Variants in ZFP62 observed in about 807,000 individuals in gnomAD.
ZFP62 encodes the protein ZFP62 zinc finger protein.
Under a neutral mutation model 56.4 loss-of-function variants are expected in ZFP62, and 44 were observed. That is an observed-to-expected ratio of 0.78 (90% CI 0.61 to 1.00). The LOEUF is 1.00. Ranked by LOEUF, ZFP62 falls within the 50% of genes least tolerant of loss-of-function variation. The probability of loss-of-function intolerance (pLI) is 0.00; values close to 1 mark genes in which losing one functional copy is unlikely to be tolerated. For missense variants in ZFP62, 1,030 were observed against 1,085.7 expected (o/e 0.95, Z 0.72); for synonymous variants, 421 against 388.9 (o/e 1.08, Z -0.97).
intron 1 of ZFP62, among the ~76,000 whole-genome samples, chr5:180,854,820 T>C (rs939718741): frequency 6.6e-6 from 1 of 152,170 alleles, no homozygotes; most frequent in Non-Finnish European, 1.5e-5. Context: ...ATCATTTTCA[T>C]AAAAGACAAA....
intron 1 of ZFP62, chr5:180,852,046 G>C: frequency 1.0e-6 from 1 of 984,822 alleles, no homozygotes; most frequent in Non-Finnish European, 1.2e-6. Flanking sequence ...CTGCAGAGAT[G>C]AGGAAGAAGG....
the ZFP62 span, among the ~76,000 whole-genome samples, chr5:180,838,588 A>C: frequency 6.6e-6 from 1 of 152,248 alleles, no homozygotes; most frequent in Non-Finnish European, 1.5e-5. Flanking sequence ...TTCTTGTAGG[A>C]AATACACACT....
At chr5:180,830,758 G>A in the ZFP62 span, 1 of 152,386 alleles carries the variant, frequency 6.6e-6, no homozygotes, top group South Asian at 2.1e-4. Context: ...AGTAACAGCA[G>A]GTCTCCTTCA....
At chr5:180,839,787 G>A in the ZFP62 span, among the ~76,000 whole-genome samples, 2 of 152,120 alleles carry the variant, frequency 1.3e-5, no homozygotes, top group African/African-American at 2.4e-5. Flanking sequence ...AAATAAAATG[G>A]TTGTGTCCTG....
Position 180,848,631 on chromosome 5 carries a change from T to C in ZFP62, c.*161A>G, listed in dbSNP as rs1156902952. On this transcript the variant is annotated 3_prime_UTR_variant, in exon 2 of 2. Transcript: ENST00000502412. ...AACTACCTTGACACTGGAGCCTTTCTTGCTTGCTATGATTGAAAATCACAT... is the reference window on the plus strand; with the variant it reads ...AACTACCTTGACACTGGAGCCTTTCCTGCTTGCTATGATTGAAAATCACAT... 5 of 1,369,810 alleles carry C rather than the reference T, an allele frequency of 3.7e-6. No homozygotes were observed. The highest frequency in any genetic ancestry group is 3.8e-6 in the Non-Finnish European group (4 of 1,063,932). The allele number at this position is 1,369,810 out of a possible 1,614,324, so 84.9% of individuals were successfully genotyped here. A position where few individuals can be genotyped will look rare whatever the true frequency, so the allele number is the denominator to read the frequency against.
At chr5:180,833,480 A>G in the ZFP62 span, among the ~76,000 whole-genome samples, 7 of 124,120 alleles carry the variant, frequency 5.6e-5, no homozygotes, top group African/African-American at 2.4e-4. Flanking sequence ...CTCTGTCTCA[A>G]AAAAAAAAAA....
In ZFP62 at chr5:180,848,475, T is replaced by C. The variant is rs1454792289; in HGVS notation, c.*317A>G. ...CTGATGGTGATTACGTAACTTCTAA[T>C]TGAAGCCCTTTCCTCATCTGTGTTT... On this transcript the variant is annotated 3_prime_UTR_variant, in exon 2 of 2. Coordinates refer to ENST00000502412, the MANE Select transcript of ZFP62 (RefSeq NM_001172638.2). The C allele has an allele frequency of 1.9e-6, 2 of 1,062,302 alleles. No individual in the cohort carries two copies. Among genetic ancestry groups the C allele is most frequent in the East Asian group, 6.7e-5 (1 of 14,930 alleles). 65.8% of individuals were successfully genotyped at this position (1,062,302 alleles called of 1,614,324 possible).
chr5:180,840,788 T>TG, the ZFP62 span, among the ~76,000 whole-genome samples: 4 of 54,748 alleles, frequency 7.3e-5, no homozygotes, highest in African/African-American at 2.6e-4. Flanking sequence ...GCTAAAACAA[T>TG]TTGTGTGTGT....
the ZFP62 span, among the ~76,000 whole-genome samples, chr5:180,833,279 G>C: frequency 6.6e-6 from 1 of 152,046 alleles, no homozygotes; most frequent in South Asian, 2.1e-4. Context: ...AAGAGATCGA[G>C]ACCATCCTGG....
chr5:180,848,766 C>T lies in ZFP62; in HGVS notation c.*26G>A, dbSNP rs773004018. 1.8e-5 allele frequency: 26 copies of T among 1,479,518 alleles called. No homozygotes were observed. Among genetic ancestry groups the T allele is most frequent in the African/African-American group, 1.4e-4 (10 of 70,326 alleles). 91.6% of individuals were successfully genotyped at this position (1,479,518 alleles called of 1,614,324 possible). A position where few individuals can be genotyped will look rare whatever the true frequency, so the allele number is the denominator to read the frequency against. On this transcript the variant is annotated 3_prime_UTR_variant, in exon 2 of 2. Transcript: ENST00000502412. ...ATAAGGTATTTCTTCCATTTGAGTT[C>T]GGAGAGACTTGGTAAGCTCTGCCTG...
chr5:180,850,635 CCA>C lies in ZFP62; in HGVS notation c.858_859del (p.Cys286TrpfsTer6). 1 of 1,576,838 alleles carries C rather than the reference CCA, an allele frequency of 6.3e-7. No individual in the cohort carries two copies. Among genetic ancestry groups the C allele is most frequent in the Non-Finnish European group, 8.6e-7 (1 of 1,161,052 alleles). ...GCCAGAGCTGTTACTGAAGGTTTTC[CCA>C]CAGATGTCGCATTCATAGGGCTTCT... is the stretch of plus-strand genomic sequence containing the variant. On this transcript the variant is annotated frameshift_variant, in exon 2 of 2. Coordinates refer to ENST00000502412, the MANE Select transcript of ZFP62 (RefSeq NM_001172638.2). LOFTEE classifies it high-confidence loss of function.
At position 180,848,433 on chromosome 5, in the gene ZFP62, T is replaced by C; in HGVS notation, c.*359A>G. On this transcript the variant is annotated 3_prime_UTR_variant, in exon 2 of 2. Transcript: ENST00000502412. ...TTCCTACATTTCTAGTAACAGAATTTACCAAACATGAACTTTCTGATGGTG... is the reference window on the plus strand; with the variant it reads ...TTCCTACATTTCTAGTAACAGAATTCACCAAACATGAACTTTCTGATGGTG... 2.0e-6 allele frequency: 2 copies of C among 1,011,718 alleles called. No homozygotes were observed. Among genetic ancestry groups the C allele is most frequent in the Non-Finnish European group, 2.4e-6 (2 of 847,288 alleles). 62.7% of individuals were successfully genotyped at this position (1,011,718 alleles called of 1,614,324 possible). A position where few individuals can be genotyped will look rare whatever the true frequency, so the allele number is the denominator to read the frequency against.
chr5:180,828,956 G>A, the ZFP62 span, among the ~76,000 whole-genome samples: 17 of 152,270 alleles, frequency 1.1e-4, no homozygotes, highest in East Asian at 1.5e-3. Flanking sequence ...TGTCCTATGC[G>A]GTAGCGATAA....
At position 180,851,169 on chromosome 5, in the gene ZFP62, C is replaced by T. The variant is rs1262602131; in HGVS notation, c.326G>A (p.Gly109Glu). Residue 109 changes from glycine to glutamate, a missense_variant, in exon 2 of 2, where the codon GGA (glycine) becomes GAA (glutamate). Gly to Glu is a moderately conservative substitution (Grantham distance 98, BLOSUM62 -2). Coordinates refer to ENST00000502412, the MANE Select transcript of ZFP62 (RefSeq NM_001172638.2). ...TTTGCCTTGCTCACTGCCTCTCTGTCCTATAGGCATAGTCTGGTGTGTGAT... is the reference window on the plus strand; with the variant it reads ...TTTGCCTTGCTCACTGCCTCTCTGTTCTATAGGCATAGTCTGGTGTGTGAT... Reference protein sequence around the residue: ...QHITHQTMPIGQRGSEQGKRV... With the variant: ...QHITHQTMPIEQRGSEQGKRV... 12 of 1,551,704 alleles carry T rather than the reference C, an allele frequency of 7.7e-6. No individual in the cohort carries two copies. Among genetic ancestry groups the T allele is most frequent in the Non-Finnish European group, 8.7e-7 (1 of 1,147,004 alleles).
At position 180,851,453 on chromosome 5, in the gene ZFP62, A is replaced by G. The variant is rs1324278059; in HGVS notation, c.42T>C (p.Thr14=). ...LKTSTEDEEP[T]EEYENVGNAA... ...CATTTCCAACATTTTCATATTCTTC[A>G]GTTGGTTCCTCATCCTCAGTGCTCG... is the stretch of plus-strand genomic sequence containing the variant. Residue 14 remains threonine (T), a synonymous_variant, in exon 2 of 2, where the codon ACT becomes ACC. Transcript: ENST00000502412. 6.4e-7 allele frequency: 1 copy of G among 1,550,890 alleles called. No individual in the cohort carries two copies. The highest frequency in any genetic ancestry group is 2.4e-5 in the East Asian group (1 of 40,936).
the ZFP62 span, among the ~76,000 whole-genome samples, chr5:180,829,019 G>A: frequency 1.3e-5 from 2 of 152,174 alleles, no homozygotes; most frequent in East Asian, 1.9e-4. Context: ...ATTAGGATTG[G>A]GAAACTCCAT....
chr5:180,841,507 G>GGCTGT, the ZFP62 span, among the ~76,000 whole-genome samples: 8 of 152,022 alleles, frequency 5.3e-5, no homozygotes, highest in Non-Finnish European at 1.2e-4. Flanking sequence ...GGCTGTGAAA[G>GGCTGT]GATTCTGTAG....
the ZFP62 span, among the ~76,000 whole-genome samples, chr5:180,828,321 T>C: frequency 6.6e-6 from 1 of 152,162 alleles, no homozygotes; most frequent in African/African-American, 2.4e-5. Flanking sequence ...CACCTAGCTC[T>C]TTGGAGGTGA....
At chr5:180,858,189 G>A (rs1266150415) in intron 1 of ZFP62, among the ~76,000 whole-genome samples, 1 of 133,998 alleles carries the variant, frequency 7.5e-6, no homozygotes, top group Non-Finnish European at 1.5e-5. Context: ...TCCAGAAGGT[G>A]GAGGTTGCAG....
Sources: gnomAD v4.1 joint callset for allele counts (sites outside exome capture counted in the v4.1 genomes callset) on GRCh38, gnomAD v4.1.1 for gene constraint, MANE v1.5 for transcripts, NCBI Gene and HGNC (gene_info 2026-07-23, HGNC 2026-07-21) for gene names.